The following KLHL4 variants were observed in gnomAD, a reference collection of about 807,000 sequenced individuals.
KLHL4 encodes kelch like family member 4, also known as kelch-like protein 4.
A neutral mutation model predicts 45.8 loss-of-function variants in KLHL4; 17 were observed. The observed-to-expected ratio is 0.37, with a 90% confidence interval of 0.25 to 0.56. The LOEUF (loss-of-function observed/expected upper bound fraction) is 0.56, where lower values mean the gene tolerates loss of function less well. KLHL4 is among the 20% of genes least tolerant of loss of function. The probability of loss-of-function intolerance (pLI) is 0.79; values close to 1 mark genes in which losing one functional copy is unlikely to be tolerated. For synonymous variants in KLHL4, 224 were observed against 189.9 expected (o/e 1.18, Z -1.47); for missense variants, 544 against 544.9 (o/e 1.00, Z 0.02).
chrX:87,547,550 C>T (rs973547697), intron 1 of KLHL4, among the ~76,000 whole-genome samples: 10 of 111,427 alleles, frequency 9.0e-5, no homozygotes, highest in African/African-American at 3.3e-4. Flanking sequence ...TGTCCAGGCA[C>T]GGTGGCTCAC....
chrX:87,521,594 G>A (rs1931002378), intron 1 of KLHL4, among the ~76,000 whole-genome samples: 1 of 111,611 alleles, frequency 9.0e-6, no homozygotes, highest in African/African-American at 3.3e-5. Context: ...TTCAGATAGA[G>A]AAGGCTTTTT....
At chrX:87,561,288 G>T (rs1932093000) in intron 1 of KLHL4, among the ~76,000 whole-genome samples, 1 of 110,854 alleles carries the variant, frequency 9.0e-6, no homozygotes, top group African/African-American at 3.3e-5. Context: ...GGGTAGGAGA[G>T]ACAGTCTTAA....
intron 1 of KLHL4, among the ~76,000 whole-genome samples, chrX:87,524,092 A>C (rs1366026041): frequency 2.7e-5 from 3 of 111,899 alleles, no homozygotes; most frequent in Non-Finnish European, 5.6e-5. Context: ...CTGGGCCTTA[A>C]GTGTAAGCTG....
At chrX:87,653,894 C>A (rs766235060) in intron 9 of KLHL4, among the ~76,000 whole-genome samples, 1 of 111,318 alleles carries the variant, frequency 9.0e-6, no homozygotes, top group Non-Finnish European at 1.9e-5. Context: ...AAATTAAACA[C>A]CTCCTGTTCT....
Position 87,663,519 on chromosome X carries a change from T to C in KLHL4, c.1926-1245T>C, listed in dbSNP as rs566508912. On this transcript the variant is annotated intron_variant, in intron 9 of 10. Coordinates refer to ENST00000373119, the MANE Select transcript of KLHL4 (RefSeq NM_019117.5). ...ATTTTGAGCATTAGTACTATGCCCA[T>C]GCAGAAAAGTCTTGGGTCTTTGGAT... is the stretch of plus-strand genomic sequence containing the variant. Among the ~76,000 whole-genome samples the C allele has an allele frequency of 1.1e-3, 122 of 112,702 alleles. 1 individual carries two copies. The highest frequency in any genetic ancestry group is 3.7e-3 in the African/African-American group (115 of 31,118).
chrX:87,580,805 A>G (rs1475729178), intron 1 of KLHL4, among the ~76,000 whole-genome samples: 2 of 112,269 alleles, frequency 1.8e-5, no homozygotes, highest in Non-Finnish European at 3.8e-5. Context: ...GAATATCCAG[A>G]CAGAAAGTTA....
At chrX:87,582,044 A>G (rs1026010784) in intron 1 of KLHL4, among the ~76,000 whole-genome samples, 1 of 112,174 alleles carries the variant, frequency 8.9e-6, no homozygotes, top group African/African-American at 3.2e-5. Flanking sequence ...AAAGCACACT[A>G]TAAGAATTTC....
chrX:87,608,587 T>C (rs1922270511), intron 1 of KLHL4, among the ~76,000 whole-genome samples: 1 of 111,002 alleles, frequency 9.0e-6, no homozygotes, highest in South Asian at 3.9e-4. Context: ...GGTTCATGAT[T>C]CTGCAGGCTG....
chrX:87,669,349 A>G lies in KLHL4; in HGVS notation c.*2815A>G. On this transcript the variant is annotated 3_prime_UTR_variant, in exon 11 of 11. Transcript: ENST00000373119. ...CACAGAGCATGCAAGAACTTCTACA[A>G]AACTTCTATACCACACAGAAGCTGA... 5 of 1,207,609 alleles carry G rather than the reference A, an allele frequency of 4.1e-6. No individual in the cohort carries two copies. The highest frequency in any genetic ancestry group is 4.5e-6 in the Non-Finnish European group (4 of 892,190).
chrX:87,655,318 T>G (rs1248296396), intron 9 of KLHL4, among the ~76,000 whole-genome samples: 1 of 112,073 alleles, frequency 8.9e-6, no homozygotes. Flanking sequence ...ATTGCATTGC[T>G]TCCTAGCTCT....
In KLHL4 at chrX:87,613,992, C is replaced by A. The variant is rs895305777; in HGVS notation, c.538C>A (p.Gln180Lys). The change falls in exon 2 of 11, where the codon CAA becomes AAA. Residue 180 changes from glutamine (Q) to lysine (K), a missense_variant. Physicochemically the swap from Gln to Lys is moderately conservative, Grantham distance 53 (BLOSUM62 1). Coordinates refer to ENST00000373119, the MANE Select transcript of KLHL4 (RefSeq NM_019117.5). ...RKMENYLKEKQLCDVLLIAGH... is the reference protein window; with the variant it reads ...RKMENYLKEKKLCDVLLIAGH... ...AATGGAGAACTACTTGAAAGAGAAA[C>A]AACTATGTGATGTGCTACTGATTGC... The A allele has an allele frequency of 8.3e-7, 1 of 1,208,381 alleles. No homozygotes were observed. Among genetic ancestry groups the A allele is most frequent in the Non-Finnish European group, 1.1e-6 (1 of 893,470 alleles).
chrX:87,659,046 A>G (rs370244827), intron 9 of KLHL4, among the ~76,000 whole-genome samples: 2 of 97,057 alleles, frequency 2.1e-5, no homozygotes, highest in Non-Finnish European at 4.2e-5. Flanking sequence ...AAATGCATAT[A>G]TTTGTCCACT....
rs1233325893 is a variant in KLHL4 at position 87,667,178 on chromosome X, A to G, written c.*644A>G. The G allele has an allele frequency of 8.0e-6, 6 of 747,279 alleles. No homozygotes were observed. The highest frequency in any genetic ancestry group is 7.9e-6 in the Non-Finnish European group (5 of 634,527). The allele number at this position is 747,279 out of a possible 1,213,427, so 61.6% of individuals were successfully genotyped here. A position where few individuals can be genotyped will look rare whatever the true frequency, so the allele number is the denominator to read the frequency against. On this transcript the variant is annotated 3_prime_UTR_variant, in exon 11 of 11. Coordinates refer to ENST00000373119, the MANE Select transcript of KLHL4 (RefSeq NM_019117.5). Reference sequence around the variant, plus strand: ...GGTTTGCTCATCTGCCAGAGCACACATATAAATTTGGTATTTCTTAACATA... The same window carrying G: ...GGTTTGCTCATCTGCCAGAGCACACGTATAAATTTGGTATTTCTTAACATA...
intron 6 of KLHL4, among the ~76,000 whole-genome samples, chrX:87,631,143 T>C (rs1923083331): frequency 9.0e-6 from 1 of 111,362 alleles, no homozygotes; most frequent in African/African-American, 3.3e-5. Context: ...AATCTTTTAT[T>C]ATGCAGGTGG....
intron 1 of KLHL4, among the ~76,000 whole-genome samples, chrX:87,560,336 C>T (rs1226596383): frequency 8.9e-6 from 1 of 112,021 alleles, no homozygotes; most frequent in African/African-American, 3.2e-5. Flanking sequence ...AATAATTGTT[C>T]TTTGTTAAGA....
chrX:87,619,294 A>G (rs1278947806), intron 4 of KLHL4, among the ~76,000 whole-genome samples: 1 of 111,916 alleles, frequency 8.9e-6, no homozygotes, highest in Non-Finnish European at 1.9e-5. Flanking sequence ...AGTTTTATAC[A>G]GAAGGTAATT....
At chrX:87,633,200 G>A (rs189192598) in intron 7 of KLHL4, among the ~76,000 whole-genome samples, 1 of 111,340 alleles carries the variant, frequency 9.0e-6, no homozygotes, top group East Asian at 2.8e-4. Flanking sequence ...AAACAATTAT[G>A]TAAATTATCA....
At chrX:87,650,214 G>A (rs995111078) in intron 9 of KLHL4, among the ~76,000 whole-genome samples, 1 of 110,786 alleles carries the variant, frequency 9.0e-6, no homozygotes, top group African/African-American at 3.3e-5. Flanking sequence ...TCCTACCTCA[G>A]CCTCCTTAGT....
chrX:87,661,895 C>T (rs1471533359), intron 9 of KLHL4, among the ~76,000 whole-genome samples: 1 of 111,471 alleles, frequency 9.0e-6, no homozygotes, highest in Non-Finnish European at 1.9e-5. Flanking sequence ...GACCCAGTTA[C>T]TTTACATCTC....
Sources: allele counts gnomAD v4.1 joint callset (sites outside exome capture counted in the v4.1 genomes callset), GRCh38; gene constraint gnomAD v4.1.1; transcripts MANE v1.5; gene names NCBI Gene and HGNC (gene_info 2026-07-23, HGNC 2026-07-21).